The following KCNQ1 variants were observed in gnomAD, a reference collection of about 807,000 sequenced individuals.
The protein encoded by KCNQ1 is potassium voltage-gated channel subfamily Q member 1.
In KCNQ1, 49 loss-of-function variants were observed where a neutral mutation model predicts 72.4. The observed-to-expected ratio is 0.68, with a 90% CI of 0.54 to 0.86. The LOEUF (loss-of-function observed/expected upper bound fraction) is 0.86, where lower values mean the gene tolerates loss of function less well. KCNQ1 is among the 40% of genes least tolerant of loss of function. The pLI, the probability that KCNQ1 is intolerant of heterozygous loss-of-function variation, is 0.00. For synonymous variants in KCNQ1, 450 were observed against 412.6 expected (o/e 1.09, Z -1.10); for missense variants, 790 against 945.1 (o/e 0.84, Z 2.15).
chr11:2,708,580 G>C (rs917619978), intron 11 of KCNQ1, among the ~76,000 whole-genome samples: 4 of 152,130 alleles, frequency 2.6e-5, no homozygotes, highest in Non-Finnish European at 5.9e-5. Flanking sequence ...CACAGGGTGG[G>C]CAGTGACCAG....
At position 2,671,258 on chromosome 11, in the gene KCNQ1, C is replaced by T. The variant is rs1289576250; in HGVS notation, c.1514+9177C>T. The T allele has an allele frequency of 1.0e-5, 4 of 398,514 alleles. No homozygotes were observed. Among genetic ancestry groups the T allele is most frequent in the Non-Finnish European group, 1.8e-5 (4 of 226,086 alleles). The allele number at this position is 398,514 out of a possible 1,614,324, so 24.7% of individuals were successfully genotyped here. A position where few individuals can be genotyped will look rare whatever the true frequency, so the allele number is the denominator to read the frequency against. On this transcript the variant is annotated intron_variant, in intron 11 of 15. Transcript: ENST00000155840. The surrounding 1 kb of genome is among the most constrained non-coding windows in gnomAD (Gnocchi z 4.7). ...GTCTGACCTCAAAATCCGATGTCCC[C>T]ACCATCCCCAGCCCCTTAGCCTCTG...
At chr11:2,533,239 C>G (rs1036823256) in intron 2 of KCNQ1, among the ~76,000 whole-genome samples, 1 of 152,220 alleles carries the variant, frequency 6.6e-6, no homozygotes, top group Admixed American at 6.5e-5. Flanking sequence ...AACCCCAGCG[C>G]GGCCTCGGAG....
intron 2 of KCNQ1, among the ~76,000 whole-genome samples, chr11:2,534,211 G>A (rs1847690051): frequency 6.6e-6 from 1 of 152,218 alleles, no homozygotes; most frequent in African/African-American, 2.4e-5. Flanking sequence ...TGTGGAACAA[G>A]GTCGGGTCCT....
rs1208957319 is a variant in KCNQ1 at position 2,759,467 on chromosome 11, A to G, written c.1515-9377A>G. On this transcript the variant is annotated intron_variant, in intron 11 of 15. Transcript: ENST00000155840. The surrounding 1 kb of genome is among the most constrained non-coding windows in gnomAD (Gnocchi z 4.4). ...GTTCCTTCCCCAAGGCGCTGTGGCC[A>G]CTTAGAGGGTCCCCCAAGCTCGGGC... Among the ~76,000 whole-genome samples, 1 of 152,198 alleles carries G rather than the reference A, an allele frequency of 6.6e-6. No homozygotes were observed. The highest frequency in any genetic ancestry group is 2.4e-5 in the African/African-American group (1 of 41,466).
At position 2,712,426 on chromosome 11, in the gene KCNQ1, C is replaced by T. The variant is rs561694152; in HGVS notation, c.1514+50345C>T. 6.6e-6 allele frequency among the ~76,000 whole-genome samples: 1 copy of T among 152,266 alleles called. No homozygotes were observed. The highest frequency in any genetic ancestry group is 2.1e-4 in the South Asian group (1 of 4,820). On this transcript the variant is annotated intron_variant, in intron 11 of 15. Coordinates refer to ENST00000155840, the MANE Select transcript of KCNQ1 (RefSeq NM_000218.3). This position sits in a 1 kb window ranked among gnomAD's most constrained non-coding sequence, Gnocchi z 6.4. ...GGGGATGTTAGACTCACCAGCCATC[C>T]CCTGGAAAGCTGTGGGGAGACTCAG...
chr11:2,601,739 C>A lies in KCNQ1; in HGVS notation c.1393+12885C>A, dbSNP rs75009354. On this transcript the variant is annotated intron_variant, in intron 10 of 15. Coordinates refer to ENST00000155840, the MANE Select transcript of KCNQ1 (RefSeq NM_000218.3). The surrounding 1 kb of genome is among the most constrained non-coding windows in gnomAD (Gnocchi z 5.2). ...TGGATTCATTCCGGTTGTTTTGTATCGCGACAGTTCATTAAATCATAGTGC... is the reference window on the plus strand; with the variant it reads ...TGGATTCATTCCGGTTGTTTTGTATAGCGACAGTTCATTAAATCATAGTGC... Among the ~76,000 whole-genome samples the A allele has an allele frequency of 9.9e-5, 15 of 152,128 alleles. No homozygotes were observed. Among genetic ancestry groups the A allele is most frequent in the African/African-American group, 3.6e-4 (15 of 41,418 alleles).
intron 15 of KCNQ1, among the ~76,000 whole-genome samples, chr11:2,843,242 G>C (rs1043266892): frequency 6.6e-6 from 1 of 152,218 alleles, no homozygotes; most frequent in Admixed American, 6.5e-5. Flanking sequence ...CACGAACCGC[G>C]ACCTTACCAC....
intron 6 of KCNQ1, among the ~76,000 whole-genome samples, chr11:2,580,250 G>A (rs533462611): frequency 6.6e-6 from 1 of 151,374 alleles, no homozygotes; most frequent in East Asian, 2.0e-4. Context: ...GTTTGTCCTC[G>A]GCTGCCTCGG....
At position 2,659,676 on chromosome 11, in the gene KCNQ1, A is replaced by G; in HGVS notation, c.1394-2285A>G. 2.5e-6 allele frequency: 1 copy of G among 398,510 alleles called. No individual in the cohort carries two copies. Among genetic ancestry groups the G allele is most frequent in the Non-Finnish European group, 4.4e-6 (1 of 226,014 alleles). 24.7% of individuals were successfully genotyped at this position (398,510 alleles called of 1,614,324 possible). A position where few individuals can be genotyped will look rare whatever the true frequency, so the allele number is the denominator to read the frequency against. On this transcript the variant is annotated intron_variant, in intron 10 of 15. Coordinates refer to ENST00000155840, the MANE Select transcript of KCNQ1 (RefSeq NM_000218.3). The surrounding 1 kb of genome is among the most constrained non-coding windows in gnomAD (Gnocchi z 4.3). ...TAACTTAATAAGAAATTGCTAAACT[A>G]TTTCCTAAAGTCACTGTGCCATTTT... is the stretch of plus-strand genomic sequence containing the variant.
chr11:2,804,009 G>A (rs1442364659), intron 15 of KCNQ1, among the ~76,000 whole-genome samples: 1 of 152,122 alleles, frequency 6.6e-6, no homozygotes, highest in South Asian at 2.1e-4. Flanking sequence ...TCGGGGAGTC[G>A]AAGGCAGAGG....
intron 1 of KCNQ1, among the ~76,000 whole-genome samples, chr11:2,510,578 T>C (rs1484330463): frequency 1.3e-5 from 2 of 152,182 alleles, no homozygotes; most frequent in Non-Finnish European, 2.9e-5. Flanking sequence ...TGCACTCCAG[T>C]CTGGGTGTCA....
At chr11:2,758,575 G>A (rs976395364) in intron 11 of KCNQ1, among the ~76,000 whole-genome samples, 46 of 152,158 alleles carry the variant, frequency 3.0e-4, no homozygotes, top group South Asian at 2.1e-4. Flanking sequence ...CCAAAGAAAC[G>A]AAGACTCATA....
At chr11:2,742,699 G>T (rs527601845) in intron 11 of KCNQ1, among the ~76,000 whole-genome samples, 2 of 152,246 alleles carry the variant, frequency 1.3e-5, no homozygotes, top group African/African-American at 4.8e-5. Flanking sequence ...CAAGAGCCTC[G>T]GAGAGAAGGA....
At chr11:2,832,660 C>T (rs1050636144) in intron 15 of KCNQ1, among the ~76,000 whole-genome samples, 7 of 152,188 alleles carry the variant, frequency 4.6e-5, no homozygotes, top group African/African-American at 1.2e-4. Flanking sequence ...CCCGCCTCCC[C>T]GGAGCATGTT....
intron 10 of KCNQ1, chr11:2,629,186 A>G: frequency 2.5e-6 from 1 of 398,314 alleles, no homozygotes; most frequent in Middle Eastern, 6.3e-4. Context: ...TTTGAGTAGT[A>G]TAGCTATTTC....
intron 15 of KCNQ1, among the ~76,000 whole-genome samples, chr11:2,841,825 G>A (rs1191084160): frequency 6.6e-6 from 1 of 152,226 alleles, no homozygotes; most frequent in Non-Finnish European, 1.5e-5. Flanking sequence ...GCAGAGGCTG[G>A]TAAAAGTGGA....
chr11:2,674,390 T>C lies in KCNQ1; in HGVS notation c.1514+12309T>C, dbSNP rs1256733131. The C allele has an allele frequency of 2.5e-5, 5 of 201,744 alleles. No individual in the cohort carries two copies. Among genetic ancestry groups the C allele is most frequent in the Middle Eastern group, 1.7e-3 (1 of 590 alleles). The allele number at this position is 201,744 out of a possible 1,614,324, so 12.5% of individuals were successfully genotyped here. On this transcript the variant is annotated intron_variant, in intron 11 of 15. Transcript: ENST00000155840. The surrounding 1 kb of genome is among the most constrained non-coding windows in gnomAD (Gnocchi z 5.9). Reference sequence around the variant, plus strand: ...CAGCTTCCTGCTTAGGGAAGGTGCATGCGTGCGTGTGTGTGTGCGCGCCCG... The same window carrying C: ...CAGCTTCCTGCTTAGGGAAGGTGCACGCGTGCGTGTGTGTGTGCGCGCCCG...
chr11:2,646,915 A>T (rs776565467), intron 10 of KCNQ1: 11 of 398,540 alleles, frequency 2.8e-5, no homozygotes, highest in Non-Finnish European at 4.9e-5. Flanking sequence ...TTTTCTATGT[A>T]TAAGATTATG....
At chr11:2,705,609 G>A (rs1438270110) in intron 11 of KCNQ1, among the ~76,000 whole-genome samples, 1 of 152,130 alleles carries the variant, frequency 6.6e-6, no homozygotes, top group Admixed American at 6.5e-5. Flanking sequence ...CCCCCTTCCT[G>A]TGCAGGCCTG....
Sources: gnomAD v4.1 joint callset for allele counts (sites outside exome capture counted in the v4.1 genomes callset) on GRCh38, gnomAD v4.1.1 for gene constraint, Gnocchi (gnomAD v3.1) non-coding constraint, MANE v1.5 for transcripts, NCBI Gene and HGNC (gene_info 2026-07-23, HGNC 2026-07-21) for gene names.